GSTA2: variants seen among roughly 807,000 people sequenced by gnomAD.
The protein encoded by GSTA2 is glutathione S-transferase A2.
Under a neutral mutation model 22.4 loss-of-function variants are expected in GSTA2, and 27 were observed. That is an observed-to-expected ratio of 1.21 (90% CI 0.89 to 1.67). The LOEUF is 1.67. Ranked by LOEUF, GSTA2 falls within the 40% of genes most tolerant of loss-of-function variation. The pLI, the probability that GSTA2 is intolerant of heterozygous loss-of-function variation, is 0.00. For synonymous variants in GSTA2, 121 were observed against 86.8 expected (o/e 1.39, Z -2.19); for missense variants, 302 against 260.2 (o/e 1.16, Z -1.11).
At chr6:52,750,725 C>T (rs1317677773) in intron 6 of GSTA2, 26 bp from the exon 7 acceptor site, 10 of 1,610,176 alleles carry the variant, frequency 6.2e-6, no homozygotes, top group Admixed American at 1.7e-5. Context: ...CACAGCCTCA[C>T]TAAAACAACA....
chr6:52,756,546 T>C (rs1762849372), intron 2 of GSTA2, among the ~76,000 whole-genome samples: 1 of 152,212 alleles, frequency 6.6e-6, no homozygotes, highest in African/African-American at 2.4e-5. Flanking sequence ...TCCACCTTGA[T>C]ATGAATGTCT....
At chr6:52,760,757 A>G (rs906342763) in intron 1 of GSTA2, among the ~76,000 whole-genome samples, 1 of 152,162 alleles carries the variant, frequency 6.6e-6, no homozygotes, top group Admixed American at 6.5e-5. Flanking sequence ...GGAACATCTA[A>G]TTCCTGAGTT....
intron 1 of GSTA2, 58 bp from the exon 2 acceptor site, chr6:52,758,035 CT>C: frequency 9.5e-7 from 1 of 1,050,888 alleles, no homozygotes; most frequent in Non-Finnish European, 1.5e-6. Context: ...CAAAAATGTA[CT>C]TTAGGATGTA....
chr6:52,759,563 GTTTTTTTTTTTTTTTTT>G (rs70977382), intron 1 of GSTA2, among the ~76,000 whole-genome samples: 13 of 34,198 alleles, frequency 3.8e-4, no homozygotes, highest in East Asian at 2.6e-3. Context: ...GTATTTATTT[GTTTTTTTTTTTTTTTTT>G]TTTTTTTTTT....
At chr6:52,758,900 T>G (rs1251211347) in intron 1 of GSTA2, among the ~76,000 whole-genome samples, 1 of 152,196 alleles carries the variant, frequency 6.6e-6, no homozygotes, top group Non-Finnish European at 1.5e-5. Flanking sequence ...CTAAGGTTAA[T>G]GTGGTTGTTA....
At chr6:52,753,292 G>A (rs1762779772) in intron 4 of GSTA2, among the ~76,000 whole-genome samples, 1 of 152,084 alleles carries the variant, frequency 6.6e-6, no homozygotes. Flanking sequence ...TCACAGTCAT[G>A]AGAGAAATTG....
intron 2 of GSTA2, among the ~76,000 whole-genome samples, chr6:52,757,228 C>A (rs1762860985): frequency 9.6e-6 from 1 of 103,936 alleles, no homozygotes; most frequent in Non-Finnish European, 1.9e-5. Flanking sequence ...CCTCTAATTA[C>A]AATCATTTTT....
At chr6:52,751,805 T>C (rs1762744165) in intron 5 of GSTA2, 97 bp from the exon 6 acceptor site, 4 of 1,566,090 alleles carry the variant, frequency 2.6e-6, no homozygotes, top group Non-Finnish European at 3.5e-6. Flanking sequence ...TCCCCACCTC[T>C]GTTGCCTTAC....
chr6:52,754,890 A>G lies in GSTA2; in HGVS notation c.272+53T>C, dbSNP rs2127286893. The G allele has an allele frequency of 1.9e-6, 3 of 1,610,502 alleles. No individual in the cohort carries two copies. In the East Asian group the frequency reaches 6.7e-5, roughly 36 times the overall value. ...CATGGTCCCACCCACTCAAGGAAGG[A>G]CCTAAATCACTCTATGTTCTCTGTG... On this transcript the variant is annotated intron_variant, in intron 4 of 6. Transcript: ENST00000493422.
At chr6:52,760,607 C>G (rs1240802427) in intron 1 of GSTA2, among the ~76,000 whole-genome samples, 5 of 152,156 alleles carry the variant, frequency 3.3e-5, no homozygotes, top group Non-Finnish European at 5.9e-5. Flanking sequence ...GTTGGGTCAG[C>G]CTGAACTTCT....
rs376307764 is a variant in GSTA2 at position 52,750,751 on chromosome 6, C to T, written c.547-52G>A. On this transcript the variant is annotated intron_variant, in intron 6 of 6. Transcript: ENST00000493422. Reference sequence around the variant, plus strand: ...TAAAACAACAAGTCAAGGGCTGACACCCCCATTAACATGACCCAGGGAATC... The same window carrying T: ...TAAAACAACAAGTCAAGGGCTGACATCCCCATTAACATGACCCAGGGAATC... 177 of 1,600,228 alleles carry T rather than the reference C, an allele frequency of 1.1e-4. 1 individual carries two copies. In the Admixed American group the frequency reaches 2.8e-3, roughly 26 times the overall value.
intron 1 of GSTA2, among the ~76,000 whole-genome samples, chr6:52,759,559 A>ATTTTTTT (rs1561897333): frequency 1.9e-4 from 6 of 30,886 alleles, no homozygotes; most frequent in Non-Finnish European, 3.0e-4. Context: ...TAATGTATTT[A>ATTTTTTT]TTTGTTTTTT....
rs558559700 is a variant in GSTA2 at position 52,761,518 on chromosome 6, C to T, written c.-31+1926G>A. ...ATTTTATATGAATCCAGACTTATAT[C>T]AAATCTGTCATATGATGGCTCTCTG... On this transcript the variant is annotated intron_variant, in intron 1 of 6. Coordinates refer to ENST00000493422, the MANE Select transcript of GSTA2 (RefSeq NM_000846.5). 1.0e-3 allele frequency among the ~76,000 whole-genome samples: 146 copies of T among 145,830 alleles called. 2 individuals carry two copies. The highest frequency in any genetic ancestry group is 3.5e-3 in the African/African-American group (144 of 41,192).
chr6:52,751,714 G>C lies in GSTA2; in HGVS notation c.415-6C>G. ...TGTCCGTGGCTCTTTAAGACCTGGA[G>C]AATGGGAGGAATCAGATCAGGAACA... On this transcript the variant is annotated splice_region_variant and splice_polypyrimidine_tract_variant and intron_variant, in intron 5 of 6. Coordinates refer to ENST00000493422, the MANE Select transcript of GSTA2 (RefSeq NM_000846.5). 1 of 1,614,130 alleles carries C rather than the reference G, an allele frequency of 6.2e-7. No individual in the cohort carries two copies. Among genetic ancestry groups the C allele is most frequent in the East Asian group, 2.2e-5 (1 of 44,878 alleles).
Position 52,750,571 on chromosome 6 carries a change from G to A in GSTA2, c.*6C>T. ...TTGCATGTTCTTGACCTCTATGGCT[G>A]GTTTATTAAAACCTGAAAATCTTCC... On this transcript the variant is annotated 3_prime_UTR_variant, in exon 7 of 7. Coordinates refer to ENST00000493422, the MANE Select transcript of GSTA2 (RefSeq NM_000846.5). 1 of 1,613,600 alleles carries A rather than the reference G, an allele frequency of 6.2e-7. No homozygotes were observed. Among genetic ancestry groups the A allele is most frequent in the Non-Finnish European group, 8.5e-7 (1 of 1,179,680 alleles).
rs759542277 is a variant in GSTA2 at position 52,757,984 on chromosome 6, G to A, written c.-30-7C>T. The stretch of plus-strand genomic sequence containing the variant: ...CCTGGAGGTTTCTCTAAGCCTGAGT[G>A]AATGAATGAATGAATGAATGAATAA... On this transcript the variant is annotated splice_region_variant and splice_polypyrimidine_tract_variant and intron_variant, in intron 1 of 6. Coordinates refer to ENST00000493422, the MANE Select transcript of GSTA2 (RefSeq NM_000846.5). The A allele has an allele frequency of 7.0e-6, 8 of 1,146,772 alleles. No homozygotes were observed. Among genetic ancestry groups the A allele is most frequent in the Non-Finnish European group, 8.9e-6 (7 of 782,250 alleles). The allele number at this position is 1,146,772 out of a possible 1,614,324, so 71.0% of individuals were successfully genotyped here.
At chr6:52,756,524 G>C (rs1762849130) in intron 2 of GSTA2, among the ~76,000 whole-genome samples, 1 of 152,198 alleles carries the variant, frequency 6.6e-6, no homozygotes, top group Admixed American at 6.5e-5. Context: ...CAATCTTCTA[G>C]TTCACTTCAC....
At chr6:52,756,336 C>A (rs1212350140) in intron 2 of GSTA2, 27 bp from the exon 3 acceptor site, 1 of 1,541,082 alleles carries the variant, frequency 6.5e-7, no homozygotes, top group South Asian at 1.1e-5. Flanking sequence ...TAAATATGTT[C>A]TTGTTAGTTC....
In GSTA2 at chr6:52,752,941, CAGA is replaced by C. The variant is rs747589919; in HGVS notation, c.324_326del (p.Leu109del). The C allele has an allele frequency of 3.1e-6, 5 of 1,613,686 alleles. No homozygotes were observed. The highest frequency in any genetic ancestry group is 3.3e-5 in the Admixed American group (2 of 59,992). On this transcript the variant is annotated inframe_deletion, in exon 5 of 7. Transcript: ENST00000493422. The stretch of plus-strand genomic sequence containing the variant: ...CTTGTTCCTCAGGTTGACTAAAGGG[CAGA>C]AGAAGGATCATTTCACCCAAATCTG...
Sources: gnomAD v4.1 joint callset for allele counts (sites outside exome capture counted in the v4.1 genomes callset) on GRCh38, gnomAD v4.1.1 for gene constraint, MANE v1.5 for transcripts, NCBI Gene and HGNC (gene_info 2026-07-23, HGNC 2026-07-21) for gene names.